Variants in AKR1E2 observed in about 807,000 individuals in gnomAD.
AKR1E2 encodes the protein aldo-keto reductase family 1 member E2.
In AKR1E2, 43 loss-of-function variants were observed where a neutral mutation model predicts 41.9. That is an observed-to-expected ratio of 1.03 (90% confidence interval 0.80 to 1.32). The LOEUF is 1.32. Among genes scored for constraint, AKR1E2 ranks in the 40% most tolerant of loss-of-function variants. The pLI, the probability that AKR1E2 is intolerant of heterozygous loss-of-function variation, is 0.00. For synonymous variants in AKR1E2, 121 were observed against 138.9 expected, an observed-to-expected ratio of 0.87 and a Z score of 0.91; for missense variants, 423 against 396.5, an observed-to-expected ratio of 1.07 and a Z score of -0.57.
At chr10:4,840,278 G>A (rs1490479762) in intron 6 of AKR1E2, among the ~76,000 whole-genome samples, 1 of 152,154 alleles carries the variant, frequency 6.6e-6, no homozygotes, top group Admixed American at 6.5e-5. Context: ...CCAGAAGCTT[G>A]GAAATCATCC....
Position 4,830,795 on chromosome 10 carries a change from A to G in AKR1E2, c.160A>G (p.Ile54Val), listed in dbSNP as rs1832911030. 2 of 1,614,140 alleles carry G rather than the reference A, an allele frequency of 1.2e-6. No homozygotes were observed. The highest frequency in any genetic ancestry group is 4.5e-5 in the East Asian group (2 of 44,882). The change falls in exon 2 of 10, where the codon ATC becomes GTC. Residue 54 changes from isoleucine to valine, a missense_variant. Transcript: ENST00000298375. ...REVGAGIRCK[I>V]KEGAVRREDL... Reference sequence around the variant, plus strand: ...GGTTGGAGCAGGGATCCGTTGCAAGATCAAGGAAGGCGCTGTAAGACGGGA... The same window carrying G: ...GGTTGGAGCAGGGATCCGTTGCAAGGTCAAGGAAGGCGCTGTAAGACGGGA...
At chr10:4,828,452 G>A (rs2961570) in intron 1 of AKR1E2, among the ~76,000 whole-genome samples, 127,272 of 152,126 alleles carry the variant, frequency 0.84, 54,445 homozygotes, top group Non-Finnish European at 0.92. Flanking sequence ...ACCTAGTAGG[G>A]CAGGTCACCT....
At chr10:4,829,288 C>T (rs1454100081) in intron 1 of AKR1E2, among the ~76,000 whole-genome samples, 5 of 152,144 alleles carry the variant, frequency 3.3e-5, no homozygotes, top group Non-Finnish European at 7.4e-5. Flanking sequence ...TGATGAATTA[C>T]AGATTTTCTA....
At chr10:4,828,907 C>T (rs1832753687) in intron 1 of AKR1E2, among the ~76,000 whole-genome samples, 1 of 152,176 alleles carries the variant, frequency 6.6e-6, no homozygotes, top group South Asian at 2.1e-4. Flanking sequence ...ACACTTCCAG[C>T]CACTTTACTA....
chr10:4,828,757 T>C (rs1322432294), intron 1 of AKR1E2, among the ~76,000 whole-genome samples: 1 of 152,246 alleles, frequency 6.6e-6, no homozygotes, highest in Non-Finnish European at 1.5e-5. Flanking sequence ...CATCTTTTCA[T>C]ATGGTTGTAT....
At chr10:4,872,638 T>G in the AKR1E2 span, among the ~76,000 whole-genome samples, 1 of 152,220 alleles carries the variant, frequency 6.6e-6, no homozygotes, top group Admixed American at 6.5e-5. Flanking sequence ...GTTTCTCATT[T>G]TATTATGTTA....
upstream of AKR1E2, chr10:4,825,061 C>T (rs1832372420): frequency 2.2e-6 from 1 of 454,344 alleles, no homozygotes; most frequent in South Asian, 1.6e-5. Context: ...GGCACAGTTT[C>T]TGAATGAATA....
At chr10:4,851,143 G>T (rs1373909809), downstream of AKR1E2, among the ~76,000 whole-genome samples, 1 of 152,240 alleles carries the variant, frequency 6.6e-6, no homozygotes, top group Non-Finnish European at 1.5e-5. Flanking sequence ...CTCTGGCTGG[G>T]TTTGGGCACA....
rs1832799636 is a variant in AKR1E2, at chr10:4,829,501, G to T, written c.40-1174G>T. On this transcript the variant is annotated intron_variant, in intron 1 of 9. Coordinates refer to ENST00000298375, the MANE Select transcript of AKR1E2 (RefSeq NM_001040177.3). The stretch of plus-strand genomic sequence containing the variant: ...ATGCTAGTTTTGTAGAATGAGTTGA[G>T]ATAAGTCCGTCTTTTTCTGTTGTTT... 2.0e-5 allele frequency among the ~76,000 whole-genome samples: 3 copies of T among 152,156 alleles called. No homozygotes were observed. The South Asian group carries it at 6.2e-4, about 32-fold the overall frequency.
At chr10:4,855,735 A>T in the AKR1E2 span, among the ~76,000 whole-genome samples, 4 of 152,244 alleles carry the variant, frequency 2.6e-5, no homozygotes, top group Admixed American at 1.3e-4. Context: ...CTTTTAGTTC[A>T]TGTGACTTAA....
chr10:4,854,319 C>T, the AKR1E2 span, among the ~76,000 whole-genome samples: 3 of 152,206 alleles, frequency 2.0e-5, no homozygotes, highest in African/African-American at 7.2e-5. Context: ...GTCTTTAACT[C>T]CTGACCTCAT....
At chr10:4,849,146 T>C (rs943175957), downstream of AKR1E2, among the ~76,000 whole-genome samples, 6 of 151,926 alleles carry the variant, frequency 3.9e-5, no homozygotes, top group African/African-American at 1.5e-4. Flanking sequence ...GGGGGTAGGA[T>C]TGAGGGTGGG....
the AKR1E2 span, among the ~76,000 whole-genome samples, chr10:4,870,878 C>T: frequency 6.6e-6 from 1 of 152,024 alleles, no homozygotes; most frequent in Non-Finnish European, 1.5e-5. Context: ...AGCACTTTTC[C>T]AGCCCACCCT....
At chr10:4,825,929 G>C (rs1046660853), upstream of AKR1E2, among the ~76,000 whole-genome samples, 1 of 149,810 alleles carries the variant, frequency 6.7e-6, no homozygotes, top group African/African-American at 2.5e-5. Context: ...CACCTAAGGT[G>C]GGGGCGTGAG....
chr10:4,864,677 T>C, the AKR1E2 span, among the ~76,000 whole-genome samples: 1 of 152,272 alleles, frequency 6.6e-6, no homozygotes, highest in South Asian at 2.1e-4. Context: ...TTGTCCCTGT[T>C]TGCAGATGAC....
chr10:4,851,364 G>A (rs143752997), downstream of AKR1E2, among the ~76,000 whole-genome samples: 2 of 152,320 alleles, frequency 1.3e-5, no homozygotes, highest in East Asian at 3.9e-4. Context: ...TCTGCTCTGG[G>A]CAGAGAGGGC....
In AKR1E2 at chr10:4,842,814, G is replaced by A. The variant is rs139045828; in HGVS notation, c.837+310G>A. Among the ~76,000 whole-genome samples, 3 of 152,328 alleles carry A rather than the reference G, an allele frequency of 2.0e-5. No individual in the cohort carries two copies. The East Asian group carries it at 5.8e-4, about 29-fold the overall frequency. ...CTGGAGCATGTGCACCAGTCACATG[G>A]CTGCGCTCGCCCACAGGGGAGGCTG... On this transcript the variant is annotated intron_variant, in intron 8 of 9. Coordinates refer to ENST00000298375, the MANE Select transcript of AKR1E2 (RefSeq NM_001040177.3).
downstream of AKR1E2, among the ~76,000 whole-genome samples, chr10:4,851,849 G>C (rs991517357): frequency 5.3e-5 from 8 of 152,154 alleles, no homozygotes; most frequent in African/African-American, 1.9e-4. Flanking sequence ...CAGTTAACTA[G>C]GTACTCTTTC....
chr10:4,860,381 C>A, the AKR1E2 span, among the ~76,000 whole-genome samples: 1 of 152,178 alleles, frequency 6.6e-6, no homozygotes, highest in African/African-American at 2.4e-5. Flanking sequence ...TTTTTATAGA[C>A]AGAAGCTGAA....
Sources: gnomAD v4.1 joint callset for allele counts (sites outside exome capture counted in the v4.1 genomes callset) on GRCh38, gnomAD v4.1.1 for gene constraint, MANE v1.5 for transcripts, NCBI Gene and HGNC (gene_info 2026-07-23, HGNC 2026-07-21) for gene names.